The following GABRB1 variants were observed in gnomAD, a reference collection of about 807,000 sequenced individuals.
The protein encoded by GABRB1 is gamma-aminobutyric acid type A receptor subunit beta1.
Under a neutral mutation model 51.6 loss-of-function variants are expected in GABRB1, and 17 were observed. The observed-to-expected ratio is 0.33, with a 90% confidence interval of 0.23 to 0.49. The LOEUF is 0.49. GABRB1 is among the 20% of genes least tolerant of loss of function. The probability of loss-of-function intolerance (pLI) is 0.99; values close to 1 mark genes in which losing one functional copy is unlikely to be tolerated. For missense variants in GABRB1, 410 were observed against 600.6 expected (o/e 0.68, Z 3.32); for synonymous variants, 247 against 218.9 (o/e 1.13, Z -1.14).
chr4:47,126,850 G>A (rs772288579), intron 3 of GABRB1, among the ~76,000 whole-genome samples: 2 of 151,964 alleles, frequency 1.3e-5, no homozygotes, highest in African/African-American at 2.4e-5. Flanking sequence ...AATATTGCAG[G>A]AAGATTAGTA....
chr4:47,294,854 C>T (rs1018643596), intron 4 of GABRB1, among the ~76,000 whole-genome samples: 1 of 152,166 alleles, frequency 6.6e-6, no homozygotes, highest in Non-Finnish European at 1.5e-5. Context: ...TGGGAGGCAC[C>T]CCACAGTAGG....
At chr4:47,115,615 T>C (rs1715443693) in intron 3 of GABRB1, among the ~76,000 whole-genome samples, 1 of 152,082 alleles carries the variant, frequency 6.6e-6, no homozygotes, top group African/African-American at 2.4e-5. Flanking sequence ...GAAATATCCT[T>C]AGTAAAGAGT....
chr4:47,231,014 C>T (rs1478640380), intron 4 of GABRB1, among the ~76,000 whole-genome samples: 1 of 152,132 alleles, frequency 6.6e-6, no homozygotes, highest in Non-Finnish European at 1.5e-5. Context: ...AGGTCTTCTA[C>T]ACCTACTAGT....
rs200032115 is a variant in GABRB1 at position 47,119,506 on chromosome 4, CTTTCTTTTTT to C, written c.241-41739_241-41730del. 7.6e-3 allele frequency among the ~76,000 whole-genome samples: 1,031 copies of C among 135,412 alleles called. 11 individuals carry two copies. The highest frequency in any genetic ancestry group is 0.012 in the Non-Finnish European group (762 of 64,214). The allele number at this position is 135,412 out of a possible 152,430, so 88.8% of individuals were successfully genotyped here. On this transcript the variant is annotated intron_variant, in intron 3 of 8. Coordinates refer to ENST00000295454, the MANE Select transcript of GABRB1 (RefSeq NM_000812.4). Reference sequence around the variant, plus strand: ...CAGATTGACAAAACATTTTCTTTTTCTTTCTTTTTTTTTTTTTTTGAGACTGAGTTTCGCT... The same window carrying C: ...CAGATTGACAAAACATTTTCTTTTTCTTTTTTTTTGAGACTGAGTTTCGCT...
intron 4 of GABRB1, among the ~76,000 whole-genome samples, chr4:47,264,868 G>T (rs1466591653): frequency 6.6e-6 from 1 of 152,134 alleles, no homozygotes; most frequent in Non-Finnish European, 1.5e-5. Flanking sequence ...CACTATAAAT[G>T]AGTTTGCATT....
chr4:46,993,984 T>A (rs1488930050), intron 1 of GABRB1: 1 of 154,034 alleles, frequency 6.5e-6, no homozygotes, highest in Non-Finnish European at 1.4e-5. Flanking sequence ...AAAGGGCGGG[T>A]GACGGGGACT....
intron 4 of GABRB1, among the ~76,000 whole-genome samples, chr4:47,251,264 T>C (rs1263368031): frequency 6.6e-6 from 1 of 152,226 alleles, no homozygotes; most frequent in Non-Finnish European, 1.5e-5. Context: ...GGGCTGGTAC[T>C]GGAGTTATCT....
intron 3 of GABRB1, among the ~76,000 whole-genome samples, chr4:47,110,987 G>T: frequency 6.6e-6 from 1 of 152,202 alleles, no homozygotes; most frequent in Non-Finnish European, 1.5e-5. Flanking sequence ...TACAAAAAAG[G>T]ATATTATAAC....
At chr4:47,101,377 A>C (rs887233344) in intron 3 of GABRB1, among the ~76,000 whole-genome samples, 2 of 151,442 alleles carry the variant, frequency 1.3e-5, no homozygotes, top group Non-Finnish European at 2.9e-5. Flanking sequence ...TTGTCTTGTA[A>C]TTGATTTTAA....
chr4:47,209,034 T>C (rs1023447497), intron 4 of GABRB1, among the ~76,000 whole-genome samples: 18 of 152,152 alleles, frequency 1.2e-4, no homozygotes, highest in African/African-American at 4.3e-4. Flanking sequence ...CTATCAGTGT[T>C]ATAAAGTATA....
intron 5 of GABRB1, among the ~76,000 whole-genome samples, chr4:47,322,121 T>C (rs1053450878): frequency 4.6e-5 from 7 of 152,058 alleles, no homozygotes; most frequent in Non-Finnish European, 1.0e-4. Context: ...GTAACTTTTG[T>C]GGGGAAGGGA....
chr4:47,291,282 G>A lies in GABRB1; in HGVS notation c.462-28845G>A, dbSNP rs557254290. ...GTGTTGAGCCGGCGGGTGCACAGAG[G>A]TCAAGAATTGAGGTATGGGAACCTC... On this transcript the variant is annotated intron_variant, in intron 4 of 8. Transcript: ENST00000295454. Among the ~76,000 whole-genome samples, 6 of 152,314 alleles carry A rather than the reference G, an allele frequency of 3.9e-5. No individual in the cohort carries two copies. In the East Asian group the frequency reaches 1.2e-3, roughly 29 times the overall value.
intron 4 of GABRB1, among the ~76,000 whole-genome samples, chr4:47,199,786 A>G (rs1719827555): frequency 6.6e-6 from 1 of 152,112 alleles, no homozygotes; most frequent in Non-Finnish European, 1.5e-5. Context: ...TTGGAAGGAA[A>G]TGTTCAATGT....
chr4:47,214,839 A>G (rs144957619), intron 4 of GABRB1, among the ~76,000 whole-genome samples: 17 of 152,268 alleles, frequency 1.1e-4, no homozygotes, highest in African/African-American at 4.1e-4. Context: ...ATTGGTAGAA[A>G]TCTCCAAATA....
chr4:47,254,615 G>C (rs542101362), intron 4 of GABRB1, among the ~76,000 whole-genome samples: 1 of 151,562 alleles, frequency 6.6e-6, no homozygotes, highest in South Asian at 2.1e-4. Context: ...TTTGTGATCC[G>C]TTTGCCTTGG....
At chr4:47,010,548 CTTTAT>C (rs1724554226) in intron 1 of GABRB1, among the ~76,000 whole-genome samples, 1 of 152,222 alleles carries the variant, frequency 6.6e-6, no homozygotes, top group East Asian at 1.9e-4. Context: ...GCAGAGCTTA[CTTTAT>C]TTTGTCAATG....
intron 3 of GABRB1, among the ~76,000 whole-genome samples, chr4:47,110,343 C>T (rs10938469): frequency 0.39 from 58,686 of 151,926 alleles, 11,606 homozygotes; most frequent in South Asian, 0.45. Flanking sequence ...ATGAAGCTTT[C>T]TTCCATAAGT....
At chr4:47,280,563 G>A (rs1172861534) in intron 4 of GABRB1, among the ~76,000 whole-genome samples, 2 of 150,814 alleles carry the variant, frequency 1.3e-5, no homozygotes, top group African/African-American at 2.4e-5. Context: ...TTTCTTATAA[G>A]GTAGGTGCAA....
chr4:47,266,440 G>GT (rs1350929654), intron 4 of GABRB1, among the ~76,000 whole-genome samples: 4 of 152,056 alleles, frequency 2.6e-5, no homozygotes, highest in Admixed American at 2.6e-4. Flanking sequence ...TTTTAGGATT[G>GT]TTTTTTCTAA....
Sources: allele counts gnomAD v4.1 joint callset (sites outside exome capture counted in the v4.1 genomes callset), GRCh38; gene constraint gnomAD v4.1.1; transcripts MANE v1.5; gene names NCBI Gene and HGNC (gene_info 2026-07-23, HGNC 2026-07-21).